ANKRD2: variants seen among roughly 807,000 people sequenced by gnomAD.
ANKRD2 encodes the protein ankyrin repeat domain-containing protein 2.
ANKRD2 carries 35 observed loss-of-function variants against 37.3 expected under a neutral mutation model. That is an observed-to-expected ratio of 0.94 (90% CI 0.72 to 1.24). ANKRD2 has a LOEUF of 1.24. Among genes scored for constraint, ANKRD2 ranks in the 50% most tolerant of loss-of-function variants. The pLI, the probability that ANKRD2 is intolerant of heterozygous loss-of-function variation, is 0.00. For missense variants in ANKRD2, 410 were observed against 445.6 expected (o/e 0.92, Z 0.72); for synonymous variants, 159 against 186.5 (o/e 0.85, Z 1.20).
Position 97,572,788 on chromosome 10 carries a change from T to C in ANKRD2, c.-1T>C, listed in dbSNP as rs2040775775. 5.0e-6 allele frequency: 8 copies of C among 1,590,518 alleles called. No homozygotes were observed. Among genetic ancestry groups the C allele is most frequent in the Non-Finnish European group, 6.8e-6 (8 of 1,169,050 alleles). ...AGGCCCTGTGGCCTGCAGAGGCGGT[T>C]ATGGACGGCACCATGGAGGACTCCG... On this transcript the variant is annotated 5_prime_UTR_variant, in exon 1 of 9. Coordinates refer to ENST00000370655, the MANE Select transcript of ANKRD2 (RefSeq NM_001346793.2).
In ANKRD2 at chr10:97,583,634, T is replaced by TATCA; in HGVS notation, c.911_912insATCA (p.Glu305SerfsTer5). 1 of 1,606,308 alleles carries TATCA rather than the reference T, an allele frequency of 6.2e-7. No individual in the cohort carries two copies. Among genetic ancestry groups the TATCA allele is most frequent in the Non-Finnish European group, 8.5e-7 (1 of 1,177,014 alleles). ...TGGCAGGCTGATACCCGGCACGCCCTGGAGCATCCTGAGCCGGGGGCTGAG... is the reference window on the plus strand; with the variant it reads ...TGGCAGGCTGATACCCGGCACGCCCTATCAGGAGCATCCTGAGCCGGGGGCTGAG... On this transcript the variant is annotated frameshift_variant, in exon 9 of 9. Transcript: ENST00000370655. LOFTEE classifies it high-confidence loss of function.
chr10:97,577,164 G>A (rs1437676863), intron 1 of ANKRD2, among the ~76,000 whole-genome samples: 1 of 151,708 alleles, frequency 6.6e-6, no homozygotes, highest in Non-Finnish European at 1.5e-5. Context: ...CACTACGCTT[G>A]GCTAATTATT....
At chr10:97,578,152 C>A in intron 2 of ANKRD2, 88 bp from the exon 3 acceptor site, 1 of 988,454 alleles carries the variant, frequency 1.0e-6, no homozygotes, top group East Asian at 2.6e-5. Flanking sequence ...CTGCCCACCC[C>A]ACCCTCCCCA....
intron 8 of ANKRD2, among the ~76,000 whole-genome samples, chr10:97,583,055 C>T (rs893088413): frequency 6.6e-6 from 1 of 152,142 alleles, no homozygotes; most frequent in South Asian, 2.1e-4. Context: ...CATGACAGTT[C>T]CTAGCACCCC....
At position 97,578,245 on chromosome 10, in the gene ANKRD2, AG is replaced by A; in HGVS notation, c.196del (p.Glu66SerfsTer61). The A allele has an allele frequency of 5.7e-6, 9 of 1,580,338 alleles. No homozygotes were observed. The highest frequency in any genetic ancestry group is 7.8e-6 in the Non-Finnish European group (9 of 1,160,240). ...SAALQKVKGQ[E>X]RVRKTSLDLR... is the part of the protein sequence containing the mutation. ...TGATGGGCCATCCCGCGCAGGGCCA[AG>A]AGCGCGTGCGCAAGACGTCCCTGGA... On this transcript the variant is annotated frameshift_variant, in exon 3 of 9. Transcript: ENST00000370655. LOFTEE classifies it high-confidence loss of function.
At chr10:97,578,730 G>T (rs997966731) in intron 4 of ANKRD2, 125 bp downstream of exon 4, 2 of 736,288 alleles carry the variant, frequency 2.7e-6, no homozygotes, top group Non-Finnish European at 4.5e-6. Flanking sequence ...GGATGGGTGG[G>T]TGGCTGGGGC....
intron 2 of ANKRD2, 39 bp downstream of exon 2, chr10:97,577,940 C>T (rs1342968319): frequency 1.3e-6 from 2 of 1,522,888 alleles, no homozygotes; most frequent in Admixed American, 2.0e-5. Context: ...CCCAGGGGAC[C>T]AGCCAGGTAG....
intron 6 of ANKRD2, 53 bp from the exon 7 acceptor site, chr10:97,582,262 G>T: frequency 6.8e-7 from 1 of 1,470,308 alleles, no homozygotes; most frequent in Non-Finnish European, 9.3e-7. Context: ...CCTTCCCAGG[G>T]GTACCACAGT....
In ANKRD2 at chr10:97,583,589, C is replaced by T. The variant is rs148239796; in HGVS notation, c.866C>T (p.Pro289Leu). ...MMTKNLAGKT[P>L]TDLVQLWQAD... ...CGCCCCCTCCAGGCAGGAAAGACCC[C>T]GACGGACCTGGTGCAGCTCTGGCAG... The change falls in exon 9 of 9, where the codon CCG becomes CTG. Residue 289 changes from proline to leucine, a missense_variant. Coordinates refer to ENST00000370655, the MANE Select transcript of ANKRD2 (RefSeq NM_001346793.2). 5.2e-5 allele frequency: 84 copies of T among 1,603,428 alleles called. No individual in the cohort carries two copies. The highest frequency in any genetic ancestry group is 1.7e-4 in the African/African-American group (13 of 74,666).
At chr10:97,576,978 G>C (rs1354286168) in intron 1 of ANKRD2, among the ~76,000 whole-genome samples, 4 of 151,544 alleles carry the variant, frequency 2.6e-5, no homozygotes, top group Non-Finnish European at 4.4e-5. Context: ...GATTATAGGC[G>C]TGAGCCACTG....
intron 2 of ANKRD2, 62 bp from the exon 3 acceptor site, chr10:97,578,178 G>A: frequency 3.6e-6 from 3 of 832,270 alleles, no homozygotes; most frequent in South Asian, 1.4e-5. Context: ...TTAGCTCAGA[G>A]GTCTCCCAAG....
chr10:97,578,249 C>G lies in ANKRD2; in HGVS notation c.199C>G (p.Arg67Gly). Residue 67 changes from arginine (R) to glycine (G), a missense_variant, in exon 3 of 9, where the codon CGC (arginine) becomes GGC (glycine). Physicochemically the swap from Arg to Gly is moderately radical, Grantham distance 125 (BLOSUM62 -2). Coordinates refer to ENST00000370655, the MANE Select transcript of ANKRD2 (RefSeq NM_001346793.2). ...GGGCCATCCCGCGCAGGGCCAAGAG[C>G]GCGTGCGCAAGACGTCCCTGGACCT... ...AALQKVKGQE[R>G]VRKTSLDLRR... The G allele has an allele frequency of 6.2e-7, 1 of 1,611,884 alleles. No individual in the cohort carries two copies.
At chr10:97,578,104 G>A in intron 2 of ANKRD2, 136 bp from the exon 3 acceptor site, 2 of 1,205,880 alleles carry the variant, frequency 1.7e-6, no homozygotes, top group Non-Finnish European at 2.3e-6. Context: ...CTGGAAGGAG[G>A]GATAGACCTT....
Position 97,582,509 on chromosome 10 carries a change from C to T in ANKRD2, c.754-95C>T, listed in dbSNP as rs557464899. Reference sequence around the variant, plus strand: ...GTCCTTCCTCCTGGGGCCTTCAGGACTTGGCTCCTGAGCAGGGTCTCCAGC... The same window carrying T: ...GTCCTTCCTCCTGGGGCCTTCAGGATTTGGCTCCTGAGCAGGGTCTCCAGC... On this transcript the variant is annotated intron_variant, in intron 7 of 8. Transcript: ENST00000370655. The T allele has an allele frequency of 1.9e-6, 3 of 1,559,246 alleles. No homozygotes were observed. In the African/African-American group the frequency reaches 4.1e-5, roughly 21 times the overall value.
chr10:97,578,644 G>A (rs985460194), intron 4 of ANKRD2, 39 bp downstream of exon 4: 2 of 1,467,846 alleles, frequency 1.4e-6, no homozygotes, highest in African/African-American at 2.8e-5. Flanking sequence ...CTCCCTGTCA[G>A]TTGCCACCCC....
rs1482597340 is a variant in ANKRD2, at chr10:97,582,384, C to T, written c.724C>T (p.Leu242=). The T allele has an allele frequency of 6.4e-7, 1 of 1,563,392 alleles. No individual in the cohort carries two copies. Among genetic ancestry groups the T allele is most frequent in the Non-Finnish European group, 8.7e-7 (1 of 1,153,388 alleles). Residue 242 remains leucine, a synonymous_variant, in exon 7 of 9, where the codon CTG becomes TTG. Transcript: ENST00000370655. ...QVEIVEHFLS[L]GLEINARDRE... ...GGAGATTGTGGAGCACTTTCTATCC[C>T]TGGGCCTGGAAATCAATGCCAGAGA...
chr10:97,578,144 G>GGGGCCCCCCCCCCCCCCCCCCC, intron 2 of ANKRD2, 96 bp from the exon 3 acceptor site: 1 of 685,444 alleles, frequency 1.5e-6, no homozygotes, highest in Non-Finnish European at 2.5e-6. Flanking sequence ...GGGTCTTCCT[G>GGGGCCCCCCCCCCCCCCCCCCC]CCCACCCCAC....
At chr10:97,575,356 C>A (rs1001839650) in intron 1 of ANKRD2, among the ~76,000 whole-genome samples, 1 of 152,182 alleles carries the variant, frequency 6.6e-6, no homozygotes, top group African/African-American at 2.4e-5. Context: ...TGGGTTAGGT[C>A]ATCACTGAGA....
At chr10:97,581,039 T>G in intron 5 of ANKRD2, 86 bp downstream of exon 5, 1 of 1,280,420 alleles carries the variant, frequency 7.8e-7, no homozygotes, top group Non-Finnish European at 1.1e-6. Context: ...TGTGCCAACC[T>G]GAAGCATAAA....
Sources: allele counts gnomAD v4.1 joint callset (sites outside exome capture counted in the v4.1 genomes callset), GRCh38; gene constraint gnomAD v4.1.1; transcripts MANE v1.5; gene names NCBI Gene and HGNC (gene_info 2026-07-23, HGNC 2026-07-21).